Variants in SEPTIN10 observed in about 807,000 individuals in gnomAD.
The protein encoded by SEPTIN10 is septin 10.
SEPTIN10 carries 66 observed loss-of-function variants against 54.8 expected under a neutral mutation model. The ratio of observed to expected loss-of-function variants is 1.21; its 90% CI spans 0.99 to 1.48. The LOEUF is 1.48. Ranked by LOEUF, SEPTIN10 falls within the 40% of genes most tolerant of loss-of-function variation. The pLI, the probability that SEPTIN10 is intolerant of heterozygous loss-of-function variation, is 0.00. For synonymous variants in SEPTIN10, 161 were observed against 181.0 expected, an observed-to-expected ratio of 0.89 and a Z score of 0.89; for missense variants, 620 against 545.6, an observed-to-expected ratio of 1.14 and a Z score of -1.36.
intron 1 of SEPTIN10, among the ~76,000 whole-genome samples, chr2:109,605,916 G>T (rs1273994647): frequency 1.3e-5 from 2 of 152,152 alleles, no homozygotes; most frequent in African/African-American, 4.8e-5. Flanking sequence ...TGTTAAGAAG[G>T]CTGTTAGAAT....
chr2:109,593,142 T>C (rs1251308765), intron 1 of SEPTIN10, 23 bp from the exon 2 acceptor site: 10 of 1,547,310 alleles, frequency 6.5e-6, no homozygotes, highest in Non-Finnish European at 7.0e-6. Flanking sequence ...TACAAAGGCT[T>C]AAAAGGAAAC....
Position 109,613,926 on chromosome 2 carries a change from G to C in SEPTIN10, c.-99C>G. 3 of 1,222,640 alleles carry C rather than the reference G, an allele frequency of 2.5e-6. No homozygotes were observed. The highest frequency in any genetic ancestry group is 3.1e-6 in the Non-Finnish European group (3 of 981,862). The allele number at this position is 1,222,640 out of a possible 1,614,324, so 75.7% of individuals were successfully genotyped here. Reference sequence around the variant, plus strand: ...GGAAGGCCGGAGGGCAGAAGCAACGGGCGGGGCGCGAGGCTAGGCTGCCTC... The same window carrying C: ...GGAAGGCCGGAGGGCAGAAGCAACGCGCGGGGCGCGAGGCTAGGCTGCCTC... On this transcript the variant is annotated 5_prime_UTR_variant, in exon 1 of 11. Transcript: ENST00000397712.
intron 4 of SEPTIN10, among the ~76,000 whole-genome samples, chr2:109,577,081 G>A (rs1271656297): frequency 6.6e-6 from 1 of 151,888 alleles, no homozygotes; most frequent in South Asian, 2.1e-4. Context: ...AAAAGCATTA[G>A]AGGAAAAAAA....
At chr2:109,599,498 A>C (rs1573812431) in intron 1 of SEPTIN10, among the ~76,000 whole-genome samples, 1 of 151,816 alleles carries the variant, frequency 6.6e-6, no homozygotes, top group Admixed American at 6.6e-5. Context: ...GAAATTACCA[A>C]GAGTGAGCAA....
intron 1 of SEPTIN10, among the ~76,000 whole-genome samples, chr2:109,595,922 A>G (rs1189510764): frequency 6.6e-6 from 1 of 152,224 alleles, no homozygotes; most frequent in Non-Finnish European, 1.5e-5. Context: ...CGGACCTAAC[A>G]TACTACCTGC....
chr2:109,549,584 C>T (rs1048178735), intron 9 of SEPTIN10, among the ~76,000 whole-genome samples: 1 of 152,116 alleles, frequency 6.6e-6, no homozygotes, highest in Non-Finnish European at 1.5e-5. Flanking sequence ...AAATTAAAAA[C>T]AAGGGATCTT....
At chr2:109,568,373 C>CT (rs5833333) in intron 5 of SEPTIN10, among the ~76,000 whole-genome samples, 30,174 of 129,126 alleles carry the variant, frequency 0.23, 4,219 homozygotes, top group Non-Finnish European at 0.28. Context: ...GCCACACAAT[C>CT]TTTTTTTTTT....
Position 109,565,793 on chromosome 2 carries a change from C to T in SEPTIN10, c.829G>A (p.Ala277Thr), listed in dbSNP as rs1456523227. The T allele has an allele frequency of 6.2e-7, 1 of 1,614,056 alleles. No individual in the cohort carries two copies. Among genetic ancestry groups the T allele is most frequent in the Admixed American group, 1.7e-5 (1 of 60,006 alleles). Residue 277 changes from alanine (A) to threonine (T), a missense_variant, in exon 7 of 11, where the codon GCT becomes ACT. Transcript: ENST00000397712. Reference sequence around the variant, plus strand: ...ACAACACCCCAAGGGTACTGGCGAGCTTTGACCATCTTGTTTCCGACTTTT... The same window carrying T: ...ACAACACCCCAAGGGTACTGGCGAGTTTTGACCATCTTGTTTCCGACTTTT... Reference protein sequence around the residue: ...EVKVGNKMVKARQYPWGVVQV... With the variant: ...EVKVGNKMVKTRQYPWGVVQV...
At chr2:109,604,541 C>T (rs1253297766) in intron 1 of SEPTIN10, among the ~76,000 whole-genome samples, 1 of 151,980 alleles carries the variant, frequency 6.6e-6, no homozygotes, top group Non-Finnish European at 1.5e-5. Flanking sequence ...TCCTGGCTAA[C>T]ATGGTGAAAC....
intron 9 of SEPTIN10, among the ~76,000 whole-genome samples, chr2:109,550,073 G>A (rs142180897): frequency 0.2 from 30,216 of 151,520 alleles, 3,671 homozygotes; most frequent in Non-Finnish European, 0.27. Context: ...GGCGGATAAC[G>A]TGAGGTCAGG....
At chr2:109,551,191 C>T (rs1682863382) in intron 9 of SEPTIN10, among the ~76,000 whole-genome samples, 2 of 152,270 alleles carry the variant, frequency 1.3e-5, no homozygotes, top group South Asian at 4.1e-4. Context: ...TGTTCACACA[C>T]TATTATCTAA....
At chr2:109,550,231 G>A (rs986095625) in intron 9 of SEPTIN10, among the ~76,000 whole-genome samples, 11 of 151,444 alleles carry the variant, frequency 7.3e-5, no homozygotes, top group East Asian at 2.0e-4. Flanking sequence ...CCAAGGTTGC[G>A]GTAAGCTGAG....
intron 1 of SEPTIN10, among the ~76,000 whole-genome samples, chr2:109,594,356 T>C (rs552915554): frequency 6.6e-6 from 1 of 152,288 alleles, no homozygotes; most frequent in Admixed American, 6.5e-5. Context: ...AGCTCAGCGC[T>C]CTTCCCGAGA....
At chr2:109,555,861 G>C (rs1684252172) in intron 8 of SEPTIN10, among the ~76,000 whole-genome samples, 1 of 152,158 alleles carries the variant, frequency 6.6e-6, no homozygotes, top group South Asian at 2.1e-4. Flanking sequence ...TTTCTTGTAA[G>C]TTTTCATTTC....
intron 1 of SEPTIN10, among the ~76,000 whole-genome samples, chr2:109,609,044 T>G (rs2106331057): frequency 6.6e-6 from 1 of 152,280 alleles, no homozygotes; most frequent in South Asian, 2.1e-4. Context: ...CAGACCAAAA[T>G]ATATCAATCA....
intron 1 of SEPTIN10, among the ~76,000 whole-genome samples, chr2:109,603,400 A>G (rs1191307189): frequency 6.6e-6 from 1 of 151,928 alleles, no homozygotes; most frequent in East Asian, 1.9e-4. Flanking sequence ...ACGCCTGGCT[A>G]ATTTTTTTCT....
At chr2:109,570,507 T>C (rs1688095775) in intron 5 of SEPTIN10, among the ~76,000 whole-genome samples, 1 of 149,392 alleles carries the variant, frequency 6.7e-6, no homozygotes, top group South Asian at 2.1e-4. Flanking sequence ...ACTATTGACA[T>C]AGCATTTACA....
intron 9 of SEPTIN10, among the ~76,000 whole-genome samples, chr2:109,548,902 T>C (rs1420038372): frequency 1.3e-5 from 2 of 151,284 alleles, no homozygotes; most frequent in East Asian, 1.9e-4. Context: ...GTTCCAAATA[T>C]GGAATAGGTT....
intron 2 of SEPTIN10, among the ~76,000 whole-genome samples, chr2:109,587,255 T>C (rs368856472): frequency 6.6e-6 from 1 of 152,128 alleles, no homozygotes; most frequent in South Asian, 2.1e-4. Context: ...GTAAAAAATA[T>C]ATTTAGTACT....
Sources: gnomAD v4.1 joint callset for allele counts (sites outside exome capture counted in the v4.1 genomes callset) on GRCh38, gnomAD v4.1.1 for gene constraint, MANE v1.5 for transcripts, NCBI Gene and HGNC (gene_info 2026-07-23, HGNC 2026-07-21) for gene names.